The following ABCA12 variants were observed in gnomAD, a reference collection of about 807,000 sequenced individuals.
ABCA12 encodes the protein glucosylceramide transporter ABCA12.
Under a neutral mutation model 293.5 loss-of-function variants are expected in ABCA12, and 156 were observed. The ratio of observed to expected loss-of-function variants is 0.53; its 90% CI spans 0.47 to 0.61. The LOEUF is 0.61. ABCA12 is among the 20% of genes least tolerant of loss of function. The pLI, the probability that ABCA12 is intolerant of heterozygous loss-of-function variation, is 0.00. For missense variants in ABCA12, 2,797 were observed against 3,090.2 expected (o/e 0.91, Z 2.25); for synonymous variants, 1,063 against 1,108.0 (o/e 0.96, Z 0.81).
At chr2:214,979,508 A>G (rs1050991446) in intron 31 of ABCA12, among the ~76,000 whole-genome samples, 29 of 151,906 alleles carry the variant, frequency 1.9e-4, no homozygotes, top group Non-Finnish European at 4.1e-4. Context: ...TAGCATAGAA[A>G]TAAATATTTA....
At chr2:215,114,940 C>T (rs557400388) in intron 1 of ABCA12, among the ~76,000 whole-genome samples, 35 of 152,164 alleles carry the variant, frequency 2.3e-4, no homozygotes, top group South Asian at 1.5e-3. Context: ...CCGAGATCAA[C>T]GATAACAACA....
chr2:214,970,217 GC>G (rs749469668), intron 37 of ABCA12, 55 bp downstream of exon 37: 8 of 1,541,420 alleles, frequency 5.2e-6, no homozygotes, highest in Non-Finnish European at 7.1e-6. Context: ...TCTTTAGAAG[GC>G]AGCTACCATT....
intron 8 of ABCA12, 141 bp downstream of exon 8, chr2:215,036,812 G>T: frequency 1.3e-6 from 1 of 752,858 alleles, no homozygotes; most frequent in Non-Finnish European, 2.3e-6. Flanking sequence ...TGATTAACTC[G>T]AGATCCAGAT....
In ABCA12 at chr2:215,049,780, A is replaced by G. The variant is rs747491489; in HGVS notation, c.539T>C (p.Ile180Thr). Reference protein sequence around the residue: ...LLKQNSTSEDIRRELCDSYSG... With the variant: ...LLKQNSTSEDTRRELCDSYSG... Reference sequence around the variant, plus strand: ...ATAGCTGTCACATAGTTCTCTTCGTATATCTTCTGAAGTTGAATTTTGCTT... The same window carrying G: ...ATAGCTGTCACATAGTTCTCTTCGTGTATCTTCTGAAGTTGAATTTTGCTT... The change falls in exon 6 of 53, where the codon ATA becomes ACA. Residue 180 changes from isoleucine (I) to threonine (T), a missense_variant. Ile to Thr is a moderately conservative substitution (Grantham distance 89). This residue lies in a region of ABCA12 where 656 missense variants were observed against 638.2 expected (regional missense o/e 1.03). Coordinates refer to ENST00000272895, the MANE Select transcript of ABCA12 (RefSeq NM_173076.3). The G allele has an allele frequency of 6.2e-6, 10 of 1,613,392 alleles. No homozygotes were observed. The highest frequency in any genetic ancestry group is 8.5e-6 in the Non-Finnish European group (10 of 1,179,682).
intron 23 of ABCA12, among the ~76,000 whole-genome samples, chr2:214,995,710 C>T (rs1700018054): frequency 6.6e-6 from 1 of 152,240 alleles, no homozygotes; most frequent in Non-Finnish European, 1.5e-5. Flanking sequence ...CATAAACACA[C>T]TGTATTTCTT....
intron 48 of ABCA12, 81 bp downstream of exon 48, chr2:214,947,341 A>T: frequency 6.3e-7 from 1 of 1,589,408 alleles, no homozygotes; most frequent in East Asian, 2.2e-5. Flanking sequence ...GACTGCAATC[A>T]TGATGATGAA....
Position 215,031,840 on chromosome 2 carries a change from G to A in ABCA12, c.1042C>T (p.Pro348Ser). Residue 348 changes from proline to serine, a missense_variant, in exon 9 of 53, where the codon CCA becomes TCA. Transcript: ENST00000272895. ...ACTTACTGTGCAGCCAGACTGCTTG[G>A]AGATAAGGTCTGTCCATCATCCTCA... ...WNEDDGQTLS[P>S]SSLAAQLLIL... 3 of 1,613,918 alleles carry A rather than the reference G, an allele frequency of 1.9e-6. No homozygotes were observed. Among genetic ancestry groups the A allele is most frequent in the Non-Finnish European group, 2.5e-6 (3 of 1,179,948 alleles).
chr2:214,965,450 T>C (rs1441357913), intron 39 of ABCA12, among the ~76,000 whole-genome samples: 1 of 152,110 alleles, frequency 6.6e-6, no homozygotes, highest in African/African-American at 2.4e-5. Context: ...ACAGACAACC[T>C]ACAGAATGGG....
At chr2:215,031,973 C>A (rs17501532) in intron 8 of ABCA12, 77 bp from the exon 9 acceptor site, 38,221 of 1,602,678 alleles carry the variant, frequency 0.024, 602 homozygotes, top group Non-Finnish European at 0.027. Context: ...AAAACCATCC[C>A]AGGTCAAATT....
chr2:215,118,522 A>G (rs1169557294), intron 1 of ABCA12, among the ~76,000 whole-genome samples: 1 of 152,176 alleles, frequency 6.6e-6, no homozygotes, highest in Non-Finnish European at 1.5e-5. Flanking sequence ...TAAGATGAAG[A>G]GTTTTCATTC....
chr2:215,062,289 G>C (rs1449211532), intron 3 of ABCA12, among the ~76,000 whole-genome samples: 3 of 152,020 alleles, frequency 2.0e-5, no homozygotes, highest in Non-Finnish European at 4.4e-5. Context: ...GAACAAGAAG[G>C]AATGCCATTC....
rs1321233608 is a variant in ABCA12, at chr2:215,048,149, T to TA, written c.693+1476dup. On this transcript the variant is annotated intron_variant, in intron 6 of 52. Coordinates refer to ENST00000272895, the MANE Select transcript of ABCA12 (RefSeq NM_173076.3). The stretch of plus-strand genomic sequence containing the variant: ...ATCTCACACCAGTCAGAATGGCTAT[T>TA]AAAAAGTCAAAAAATAACAGATGCT... 3.9e-5 allele frequency among the ~76,000 whole-genome samples: 6 copies of TA among 152,076 alleles called. No homozygotes were observed. The East Asian group carries it at 1.2e-3, about 29-fold the overall frequency.
At chr2:215,031,942 T>G in intron 8 of ABCA12, 46 bp from the exon 9 acceptor site, 1 of 1,610,894 alleles carries the variant, frequency 6.2e-7, no homozygotes, top group Non-Finnish European at 8.5e-7. Flanking sequence ...CATGTTTGCT[T>G]AAAGATTTTT....
intron 4 of ABCA12, among the ~76,000 whole-genome samples, chr2:215,054,135 C>T (rs1178608171): frequency 1.3e-5 from 2 of 152,102 alleles, no homozygotes; most frequent in East Asian, 3.9e-4. Flanking sequence ...CTAATGCCAG[C>T]TCTGCTGTAT....
At chr2:214,974,957 A>G (rs1199037884) in intron 34 of ABCA12, 93 bp from the exon 35 acceptor site, 15 of 1,180,254 alleles carry the variant, frequency 1.3e-5, no homozygotes, top group Middle Eastern at 1.9e-4. Flanking sequence ...TGCTGTATAT[A>G]GAAGGGTTTT....
chr2:215,135,959 C>T (rs2105924049), intron 1 of ABCA12, among the ~76,000 whole-genome samples: 1 of 152,256 alleles, frequency 6.6e-6, no homozygotes, highest in African/African-American at 2.4e-5. Flanking sequence ...TCAGAATTGT[C>T]CTTCCTTTTC....
Position 214,978,980 on chromosome 2 carries a change from A to T in ABCA12, c.4801T>A (p.Ser1601Thr). ...DTMAVTAMIQ[S>T]HLPEAYLKED... ...TTGAGGTAGGCTTCGGGGAGATGTGATTGGATCATTGCTGTCACGGCCATG... is the reference window on the plus strand; with the variant it reads ...TTGAGGTAGGCTTCGGGGAGATGTGTTTGGATCATTGCTGTCACGGCCATG... Residue 1601 changes from serine (S) to threonine (T), a missense_variant, in exon 32 of 53, where the codon TCA becomes ACA. By Grantham distance (58) the Ser-to-Thr change is moderately conservative. Transcript: ENST00000272895. 6.2e-7 allele frequency: 1 copy of T among 1,614,064 alleles called. No individual in the cohort carries two copies. The highest frequency in any genetic ancestry group is 8.5e-7 in the Non-Finnish European group (1 of 1,179,980).
chr2:215,120,097 A>G (rs1001701658), intron 1 of ABCA12, among the ~76,000 whole-genome samples: 2 of 152,200 alleles, frequency 1.3e-5, no homozygotes, highest in African/African-American at 4.8e-5. Context: ...AAAAGAATGA[A>G]ATCATGTAAT....
chr2:214,980,054 C>T (rs1332767118), intron 31 of ABCA12, among the ~76,000 whole-genome samples: 1 of 152,138 alleles, frequency 6.6e-6, no homozygotes, highest in Non-Finnish European at 1.5e-5. Context: ...ACTTCATATT[C>T]GTTTTATTTG....
Sources: gnomAD v4.1 joint callset for allele counts (sites outside exome capture counted in the v4.1 genomes callset) on GRCh38, gnomAD v4.1.1 for gene constraint, gnomAD v4.1.1 regional missense constraint, MANE v1.5 for transcripts, NCBI Gene and HGNC (gene_info 2026-07-23, HGNC 2026-07-21) for gene names.